PHF21A: variants seen among roughly 807,000 people sequenced by gnomAD.
The protein encoded by PHF21A is BHC80a.
In PHF21A, 11 loss-of-function variants were observed where a neutral mutation model predicts 82.5. That is an observed-to-expected ratio of 0.13 (90% CI 0.08 to 0.22). The LOEUF (loss-of-function observed/expected upper bound fraction) is 0.22. PHF21A is among the 10% of genes least tolerant of loss of function. The pLI, the probability that PHF21A is intolerant of heterozygous loss-of-function variation, is 1.00. For synonymous variants in PHF21A, 297 were observed against 302.8 expected (o/e 0.98, Z 0.20); for missense variants, 579 against 837.8 (o/e 0.69, Z 3.81).
At chr11:45,935,528 C>A in intron 18 of PHF21A, 108 bp downstream of exon 18, 1 of 748,070 alleles carries the variant, frequency 1.3e-6, no homozygotes, top group South Asian at 1.5e-5. Context: ...CGTTAATAAA[C>A]AGAAGGACCC....
chr11:46,053,268 T>C (rs1485466405), intron 6 of PHF21A, among the ~76,000 whole-genome samples: 2 of 152,138 alleles, frequency 1.3e-5, no homozygotes, highest in Non-Finnish European at 2.9e-5. Flanking sequence ...AAAATATCAA[T>C]ATGAAAGAAT....
intron 7 of PHF21A, among the ~76,000 whole-genome samples, 188 bp from the exon 8 acceptor site, chr11:45,971,555 T>A (rs1007266729): frequency 6.6e-6 from 1 of 152,128 alleles, no homozygotes; most frequent in Non-Finnish European, 1.5e-5. Flanking sequence ...AGAAAGGCAA[T>A]CTCTAGTTTT....
At chr11:46,114,301 ATTT>A (rs915907703) in intron 1 of PHF21A, among the ~76,000 whole-genome samples, 1 of 152,030 alleles carries the variant, frequency 6.6e-6, no homozygotes, top group Non-Finnish European at 1.5e-5. Flanking sequence ...ACACCCTCCT[ATTT>A]TCTGCAAGTC....
chr11:45,959,439 C>T (rs569202982), intron 10 of PHF21A, among the ~76,000 whole-genome samples: 46 of 152,184 alleles, frequency 3.0e-4, no homozygotes, highest in Non-Finnish European at 6.2e-4. Flanking sequence ...GAAAACACAG[C>T]TAACATCATA....
intron 3 of PHF21A, among the ~76,000 whole-genome samples, chr11:46,089,715 AT>A (rs1354841396): frequency 2.0e-5 from 3 of 149,354 alleles, no homozygotes; most frequent in Non-Finnish European, 3.0e-5. Context: ...AAATAAAAAA[AT>A]ATGCATACAT....
intron 6 of PHF21A, among the ~76,000 whole-genome samples, chr11:46,030,820 CGTGTGTGTGCGTGTGTGTGT>C (rs1277950750): frequency 6.6e-5 from 5 of 75,378 alleles, no homozygotes; most frequent in East Asian, 7.0e-4. Context: ...TGTGTGTGTG[CGTGTGTGTGCGTGTGTGTGT>C]GTGTGTGTGT....
At chr11:46,111,199 T>C (rs952413302) in intron 1 of PHF21A, among the ~76,000 whole-genome samples, 3 of 146,654 alleles carry the variant, frequency 2.0e-5, no homozygotes, top group African/African-American at 7.4e-5. Context: ...CCAGGCGTGG[T>C]GGCTCACGCC....
intron 10 of PHF21A, among the ~76,000 whole-genome samples, chr11:45,961,015 C>T (rs1358962569): frequency 6.6e-6 from 1 of 152,024 alleles, no homozygotes; most frequent in Non-Finnish European, 1.5e-5. Flanking sequence ...TTTCTATTGT[C>T]AATTATTATC....
chr11:45,951,169 C>G (rs1045649859), intron 11 of PHF21A, among the ~76,000 whole-genome samples: 1 of 152,232 alleles, frequency 6.6e-6, no homozygotes, highest in Non-Finnish European at 1.5e-5. Context: ...CTACTGCATG[C>G]AGTTTCTAAA....
intron 6 of PHF21A, among the ~76,000 whole-genome samples, chr11:45,999,768 C>A (rs2095053123): frequency 6.6e-6 from 1 of 152,188 alleles, no homozygotes; most frequent in Non-Finnish European, 1.5e-5. Flanking sequence ...GGGACTGATA[C>A]CTACATGAGA....
chr11:45,958,822 A>ATGGGAGGATCACTTGAGCC (rs1389694245), intron 10 of PHF21A, among the ~76,000 whole-genome samples: 21 of 151,944 alleles, frequency 1.4e-4, no homozygotes, highest in African/African-American at 5.1e-4. Flanking sequence ...GGAGGCTGAA[A>ATGGGAGGATCACTTGAGCC]TGGGAGGATC....
intron 6 of PHF21A, among the ~76,000 whole-genome samples, chr11:46,076,521 C>A (rs899637853): frequency 2.0e-5 from 3 of 152,126 alleles, no homozygotes; most frequent in Admixed American, 6.6e-5. Context: ...CGGCAGCCTG[C>A]CACATTGCTT....
intron 1 of PHF21A, among the ~76,000 whole-genome samples, chr11:46,095,434 A>G (rs1320720660): frequency 1.3e-5 from 2 of 152,218 alleles, no homozygotes; most frequent in Non-Finnish European, 2.9e-5. Flanking sequence ...TTTAAAAGAT[A>G]GATTTGTTCT....
At chr11:45,987,251 A>AATGTATGTATGTATGTATGTATGTATGT (rs57573859) in intron 6 of PHF21A, among the ~76,000 whole-genome samples, 144 of 148,562 alleles carry the variant, frequency 9.7e-4, no homozygotes, top group African/African-American at 3.1e-3. Context: ...ATCATAAATA[A>AATGTATGTATGTATGTATGTATGTATGT]ATGTATGTAT....
chr11:46,082,122 C>T (rs950480284), intron 4 of PHF21A, among the ~76,000 whole-genome samples: 1 of 152,182 alleles, frequency 6.6e-6, no homozygotes, highest in Admixed American at 6.5e-5. Context: ...TGAACATCAA[C>T]TATGTGTACA....
At chr11:46,066,661 C>T (rs746929503) in intron 6 of PHF21A, among the ~76,000 whole-genome samples, 2 of 152,132 alleles carry the variant, frequency 1.3e-5, no homozygotes, top group East Asian at 1.9e-4. Context: ...ATTGTACCAC[C>T]GCACACCAGC....
At chr11:45,966,514 G>C (rs1181534509) in intron 9 of PHF21A, among the ~76,000 whole-genome samples, 1 of 152,144 alleles carries the variant, frequency 6.6e-6, no homozygotes, top group African/African-American at 2.4e-5. Context: ...AAAAACATGA[G>C]GTCAGCCTTG....
intron 13 of PHF21A, 63 bp downstream of exon 13, chr11:45,949,339 C>G: frequency 2.3e-6 from 3 of 1,312,952 alleles, no homozygotes; most frequent in Non-Finnish European, 3.3e-6. Context: ...AGAGGGGAGG[C>G]ACTGAACAGC....
intron 14 of PHF21A, 132 bp downstream of exon 14, chr11:45,948,754 A>C: frequency 1.4e-6 from 1 of 738,434 alleles, no homozygotes. Context: ...CCATTCTCAG[A>C]GAACAACAAC....
Sources: allele counts gnomAD v4.1 joint callset (sites outside exome capture counted in the v4.1 genomes callset), GRCh38; gene constraint gnomAD v4.1.1; transcripts MANE v1.5; gene names NCBI Gene and HGNC (gene_info 2026-07-23, HGNC 2026-07-21).